Variants in PIGU observed in about 807,000 individuals in gnomAD.
PIGU encodes GPI-anchor transamidase component PIGU.
In PIGU, 24 loss-of-function variants were observed where a neutral mutation model predicts 49.9. The ratio of observed to expected loss-of-function variants is 0.48; its 90% CI spans 0.35 to 0.68. The LOEUF (loss-of-function observed/expected upper bound fraction) is 0.68. Among genes scored for constraint, PIGU ranks in the 30% least tolerant of loss-of-function variants. The pLI, the probability that PIGU is intolerant of heterozygous loss-of-function variation, is 0.01. For synonymous variants in PIGU, 220 were observed against 205.7 expected, an observed-to-expected ratio of 1.07 and a Z score of -0.59; for missense variants, 490 against 532.6, an observed-to-expected ratio of 0.92 and a Z score of 0.79.
At chr20:34,659,501 C>G (rs1986861447) in intron 1 of PIGU, among the ~76,000 whole-genome samples, 1 of 152,140 alleles carries the variant, frequency 6.6e-6, no homozygotes, top group Non-Finnish European at 1.5e-5. Context: ...GCTGCCCCTA[C>G]TGGGAAGTGA....
At chr20:34,593,483 C>T (rs937183433) in intron 7 of PIGU, among the ~76,000 whole-genome samples, 1 of 152,058 alleles carries the variant, frequency 6.6e-6, no homozygotes, top group Admixed American at 6.5e-5. Flanking sequence ...AAATATAAAA[C>T]CTCTATAATT....
At chr20:34,651,944 CA>C (rs1007773698) in intron 2 of PIGU, among the ~76,000 whole-genome samples, 12 of 148,066 alleles carry the variant, frequency 8.1e-5, no homozygotes, top group East Asian at 3.9e-4. Flanking sequence ...CCCATCTCTA[CA>C]AAAAAAAAAT....
chr20:34,603,938 G>A (rs1443984795), intron 7 of PIGU, among the ~76,000 whole-genome samples: 1 of 150,996 alleles, frequency 6.6e-6, no homozygotes, highest in African/African-American at 2.4e-5. Flanking sequence ...GAAGGTGAGA[G>A]AAATGAAACA....
chr20:34,654,047 C>T (rs1233529147), intron 2 of PIGU, among the ~76,000 whole-genome samples: 1 of 127,702 alleles, frequency 7.8e-6, no homozygotes, highest in Non-Finnish European at 1.7e-5. Context: ...TTAGTAGAGA[C>T]GGGGTTTCGC....
chr20:34,667,512 A>G (rs993571722), intron 1 of PIGU, among the ~76,000 whole-genome samples: 1 of 152,202 alleles, frequency 6.6e-6, no homozygotes, highest in African/African-American at 2.4e-5. Flanking sequence ...GCAAAAGGAC[A>G]AAGGGGTCAA....
Position 34,629,991 on chromosome 20 carries a change from C to T in PIGU, c.529+4624G>A, listed in dbSNP as rs11696898. Among the ~76,000 whole-genome samples the T allele has an allele frequency of 6.6e-5, 10 of 152,128 alleles. No individual in the cohort carries two copies. In the South Asian group the frequency reaches 2.1e-3, roughly 32 times the overall value. On this transcript the variant is annotated intron_variant, in intron 6 of 11. Coordinates refer to ENST00000217446, the MANE Select transcript of PIGU (RefSeq NM_080476.5). The stretch of plus-strand genomic sequence containing the variant: ...GTGGAAGAAATTACAGCTCAGTGGC[C>T]TACAAAGAGGATTACTAATAAAAAT...
chr20:34,668,038 T>A (rs1173262765), intron 1 of PIGU, among the ~76,000 whole-genome samples: 1 of 152,032 alleles, frequency 6.6e-6, no homozygotes, highest in Non-Finnish European at 1.5e-5. Context: ...CAAGAAAACA[T>A]TAGACAAAAC....
intron 7 of PIGU, among the ~76,000 whole-genome samples, chr20:34,589,635 G>A (rs1039507518): frequency 2.1e-5 from 3 of 145,206 alleles, no homozygotes; most frequent in East Asian, 4.0e-4. Flanking sequence ...ATAGGCGTGA[G>A]CCACTGCACC....
chr20:34,575,273 C>A, intron 10 of PIGU, 27 bp from the exon 11 acceptor site: 1 of 1,608,472 alleles, frequency 6.2e-7, no homozygotes, highest in Non-Finnish European at 8.5e-7. Context: ...TTACAGTTAG[C>A]CTGACACGCT....
intron 1 of PIGU, among the ~76,000 whole-genome samples, chr20:34,662,003 A>AT (rs1455065876): frequency 6.6e-6 from 1 of 151,880 alleles, no homozygotes; most frequent in Non-Finnish European, 1.5e-5. Flanking sequence ...TATGTTGAGC[A>AT]TTTTTTCATA....
chr20:34,597,497 C>T (rs1036554967), intron 7 of PIGU, among the ~76,000 whole-genome samples: 2 of 152,046 alleles, frequency 1.3e-5, no homozygotes, highest in African/African-American at 2.4e-5. Flanking sequence ...GGAAAGGACC[C>T]GAAGATACTT....
chr20:34,658,383 T>G (rs1369697364), intron 1 of PIGU, among the ~76,000 whole-genome samples: 2 of 152,148 alleles, frequency 1.3e-5, no homozygotes, highest in African/African-American at 4.8e-5. Flanking sequence ...CCTCCCAAAG[T>G]GCCGAGATTG....
In PIGU at chr20:34,575,194, G is replaced by A. The variant is rs1983173958; in HGVS notation, c.1104C>T (p.Leu368=). 1 of 1,614,134 alleles carries A rather than the reference G, an allele frequency of 6.2e-7. No homozygotes were observed. The highest frequency in any genetic ancestry group is 8.5e-7 in the Non-Finnish European group (1 of 1,180,006). The part of the protein sequence containing the change: ...LTCIIIVCSL[L]FPVLWHLWIY... The stretch of plus-strand genomic sequence containing the variant: ...TCCAGAGGTGCCACAGGACAGGGAA[G>A]AGCAGGGAACAGACGATGATGATGC... The change falls in exon 11 of 12, where the codon CTC becomes CTT. Residue 368 remains leucine (L), a synonymous_variant. Coordinates refer to ENST00000217446, the MANE Select transcript of PIGU (RefSeq NM_080476.5).
At chr20:34,653,012 G>A (rs1484382919) in intron 2 of PIGU, among the ~76,000 whole-genome samples, 3 of 148,392 alleles carry the variant, frequency 2.0e-5, no homozygotes, top group Non-Finnish European at 4.4e-5. Flanking sequence ...TAGGTTTGTC[G>A]CCCAGGTTGG....
intron 2 of PIGU, among the ~76,000 whole-genome samples, chr20:34,648,314 A>G (rs550572300): frequency 6.6e-6 from 1 of 150,822 alleles, no homozygotes; most frequent in South Asian, 2.1e-4. Flanking sequence ...TATATTTTGG[A>G]GCTATGTAAT....
At chr20:34,616,741 A>G (rs1240823306) in intron 6 of PIGU, among the ~76,000 whole-genome samples, 1 of 152,184 alleles carries the variant, frequency 6.6e-6, no homozygotes, top group Non-Finnish European at 1.5e-5. Flanking sequence ...TGTTTATAAT[A>G]TCCTATTAAA....
intron 9 of PIGU, 137 bp from the exon 10 acceptor site, chr20:34,581,809 G>T: frequency 8.5e-7 from 1 of 1,172,374 alleles, no homozygotes. Flanking sequence ...TATCCACAAG[G>T]CATGGGCCAG....
intron 11 of PIGU, chr20:34,562,713 A>G: frequency 1.9e-6 from 1 of 534,304 alleles, no homozygotes; most frequent in Non-Finnish European, 3.1e-6. Flanking sequence ...ATCACTGATG[A>G]GCACGAGATT....
intron 7 of PIGU, among the ~76,000 whole-genome samples, chr20:34,602,798 T>C (rs960499173): frequency 3.9e-5 from 6 of 152,136 alleles, no homozygotes; most frequent in Admixed American, 2.6e-4. Context: ...GAAAGAACTT[T>C]CCAGGCATTC....
Sources: gnomAD v4.1 joint callset for allele counts (sites outside exome capture counted in the v4.1 genomes callset) on GRCh38, gnomAD v4.1.1 for gene constraint, MANE v1.5 for transcripts, NCBI Gene and HGNC (gene_info 2026-07-23, HGNC 2026-07-21) for gene names.